Variants in TLN2 observed in about 807,000 individuals in gnomAD.
TLN2 encodes the protein talin-2.
In TLN2, 118 loss-of-function variants were observed where a neutral mutation model predicts 294.7. The observed-to-expected ratio is 0.40, with a 90% CI of 0.34 to 0.47. The LOEUF (loss-of-function observed/expected upper bound fraction) is 0.47, where lower values mean the gene tolerates loss of function less well. Ranked by LOEUF, TLN2 falls within the 20% of genes least tolerant of loss-of-function variation. TLN2 has a pLI of 0.84. For missense variants in TLN2, 3,083 were observed against 3,282.2 expected, an observed-to-expected ratio of 0.94 and a Z score of 1.48; for synonymous variants, 1,431 against 1,304.5, an observed-to-expected ratio of 1.10 and a Z score of -2.09.
intron 54 of TLN2, among the ~76,000 whole-genome samples, chr15:62,827,241 C>G (rs2068301247): frequency 6.6e-6 from 1 of 152,092 alleles, no homozygotes; most frequent in South Asian, 2.1e-4. Flanking sequence ...CAACACTTGC[C>G]CAGGACCTGA....
rs72755834 is a variant in TLN2, at chr15:62,640,330, C to T, written c.-36-6945C>T. The T allele has an allele frequency of 3.3e-3, 1,495 of 456,274 alleles. 5 individuals carry two copies. The highest frequency in any genetic ancestry group is 4.7e-3 in the Non-Finnish European group (1,067 of 226,906). The allele number at this position is 456,274 out of a possible 1,614,324, so 28.3% of individuals were successfully genotyped here. A position where few individuals can be genotyped will look rare whatever the true frequency, so the allele number is the denominator to read the frequency against. The stretch of plus-strand genomic sequence containing the variant: ...AGCCATCCAAAATTGGGCACAGAGG[C>T]CTTCCCAGGAGGTCACGGTGGAGAG... On this transcript the variant is annotated intron_variant, in intron 3 of 58. Transcript: ENST00000636159.
At chr15:62,432,063 C>T (rs2035039400) in intron 1 of TLN2, among the ~76,000 whole-genome samples, 1 of 152,146 alleles carries the variant, frequency 6.6e-6, no homozygotes, top group Non-Finnish European at 1.5e-5. Context: ...CATAGCAGGC[C>T]TCGTCCTGGT....
chr15:62,781,115 T>A, intron 43 of TLN2, 25 bp from the exon 44 acceptor site: 7 of 1,580,870 alleles, frequency 4.4e-6, no homozygotes, highest in Non-Finnish European at 6.1e-6. Context: ...TTATGACCTT[T>A]GGATTCTTTT....
At chr15:62,572,709 C>A (rs759610725) in intron 1 of TLN2, among the ~76,000 whole-genome samples, 4 of 152,240 alleles carry the variant, frequency 2.6e-5, no homozygotes, top group Non-Finnish European at 5.9e-5. Flanking sequence ...TGCAAGCTAC[C>A]TTTGTGGCTT....
At chr15:62,669,152 A>T (rs571934577) in intron 9 of TLN2, among the ~76,000 whole-genome samples, 1 of 152,312 alleles carries the variant, frequency 6.6e-6, no homozygotes, top group South Asian at 2.1e-4. Context: ...TTTCCTTTTC[A>T]GTATTTGACA....
At chr15:62,418,899 C>T (rs2140267979) in intron 1 of TLN2, among the ~76,000 whole-genome samples, 1 of 152,304 alleles carries the variant, frequency 6.6e-6, no homozygotes, top group South Asian at 2.1e-4. Context: ...TGTGGATCTT[C>T]AGTTGCTTCA....
At chr15:62,453,021 T>C (rs1385692299) in intron 1 of TLN2, among the ~76,000 whole-genome samples, 2 of 152,238 alleles carry the variant, frequency 1.3e-5, no homozygotes, top group Non-Finnish European at 1.5e-5. Context: ...ATTTATAGTA[T>C]AAGTATCTTC....
Position 62,841,324 on chromosome 15 carries a change from T to TGTAATACA in TLN2, c.*717_*724dup, listed in dbSNP as rs1410912594. On this transcript the variant is annotated 3_prime_UTR_variant, in exon 59 of 59. Coordinates refer to ENST00000636159, the MANE Select transcript of TLN2 (RefSeq NM_015059.3). Reference sequence around the variant, plus strand: ...CCGTCGGGGCTTGGTGAGCAGGGGCTGTAATACAGTCTGTGGGCTCCTTAC... The same window carrying TGTAATACA: ...CCGTCGGGGCTTGGTGAGCAGGGGCTGTAATACAGTAATACAGTCTGTGGGCTCCTTAC... 1 of 152,552 alleles carries TGTAATACA rather than the reference T, an allele frequency of 6.6e-6. No individual in the cohort carries two copies. Among genetic ancestry groups the TGTAATACA allele is most frequent in the Non-Finnish European group, 1.5e-5 (1 of 68,094 alleles). 9.4% of individuals were successfully genotyped at this position (152,552 alleles called of 1,614,324 possible).
chr15:62,527,751 C>G (rs1047829045), intron 1 of TLN2, among the ~76,000 whole-genome samples: 3 of 152,130 alleles, frequency 2.0e-5, no homozygotes, highest in Admixed American at 2.0e-4. Flanking sequence ...GGGTCTTATC[C>G]ACTGCCAGCC....
chr15:62,679,239 A>C (rs1193795510), intron 11 of TLN2, among the ~76,000 whole-genome samples: 1 of 152,190 alleles, frequency 6.6e-6, no homozygotes, highest in Non-Finnish European at 1.5e-5. Flanking sequence ...TTAAACATAG[A>C]AATACCGTAT....
At chr15:62,429,480 G>T (rs2140286293) in intron 1 of TLN2, among the ~76,000 whole-genome samples, 1 of 152,282 alleles carries the variant, frequency 6.6e-6, no homozygotes, top group Non-Finnish European at 1.5e-5. Context: ...GACCTGTCTT[G>T]GCCAGGGTTT....
chr15:62,714,160 A>G (rs1345411638), intron 22 of TLN2, among the ~76,000 whole-genome samples: 1 of 150,790 alleles, frequency 6.6e-6, no homozygotes, highest in Non-Finnish European at 1.5e-5. Context: ...AATGCCACAT[A>G]AGCAGTATTG....
At chr15:62,787,079 A>G (rs1009075010) in intron 45 of TLN2, among the ~76,000 whole-genome samples, 1 of 151,336 alleles carries the variant, frequency 6.6e-6, no homozygotes, top group Non-Finnish European at 1.5e-5. Flanking sequence ...TAATTTTTCT[A>G]TTGACAAGGT....
chr15:62,579,124 A>G (rs1299982288), intron 1 of TLN2, among the ~76,000 whole-genome samples: 1 of 152,166 alleles, frequency 6.6e-6, no homozygotes, highest in Non-Finnish European at 1.5e-5. Flanking sequence ...TTTTCACAAT[A>G]TACTGAGAAG....
intron 22 of TLN2, among the ~76,000 whole-genome samples, chr15:62,713,931 G>GC (rs2059599628): frequency 2.6e-5 from 2 of 76,332 alleles, no homozygotes; most frequent in Non-Finnish European, 4.1e-5. Context: ...GTGTGTGTAT[G>GC]TGTGTGTGTG....
At chr15:62,626,772 G>A (rs1403183079) in intron 3 of TLN2, among the ~76,000 whole-genome samples, 1 of 152,162 alleles carries the variant, frequency 6.6e-6, no homozygotes, top group Non-Finnish European at 1.5e-5. Context: ...TGCTACTTGG[G>A]AGGCTACAAA....
At chr15:62,751,254 G>A (rs527384282) in intron 34 of TLN2, among the ~76,000 whole-genome samples, 1 of 152,322 alleles carries the variant, frequency 6.6e-6, no homozygotes, top group South Asian at 2.1e-4. Flanking sequence ...AAGAATGGAT[G>A]TCGAGCTGTT....
chr15:62,837,760 G>A (rs1283108121), intron 57 of TLN2, among the ~76,000 whole-genome samples: 1 of 152,170 alleles, frequency 6.6e-6, no homozygotes, highest in Non-Finnish European at 1.5e-5. Flanking sequence ...TGGCAAATAA[G>A]CACATGGTGA....
intron 32 of TLN2, among the ~76,000 whole-genome samples, chr15:62,747,048 G>T (rs2061654818): frequency 6.6e-6 from 1 of 152,102 alleles, no homozygotes; most frequent in Non-Finnish European, 1.5e-5. Context: ...CAACAAATGG[G>T]GCTGGAACTA....
Sources: allele counts gnomAD v4.1 joint callset (sites outside exome capture counted in the v4.1 genomes callset), GRCh38; gene constraint gnomAD v4.1.1; transcripts MANE v1.5; gene names NCBI Gene and HGNC (gene_info 2026-07-23, HGNC 2026-07-21).